PHF19: variants seen among roughly 807,000 people sequenced by gnomAD.
PHF19 encodes PHD finger protein 19.
PHF19 carries 21 observed loss-of-function variants against 79.8 expected under a neutral mutation model. The observed-to-expected ratio is 0.26, with a 90% confidence interval of 0.19 to 0.38. The LOEUF (loss-of-function observed/expected upper bound fraction) is 0.38. PHF19 is among the 10% of genes least tolerant of loss of function. The pLI, the probability that PHF19 is intolerant of heterozygous loss-of-function variation, is 1.00. For synonymous variants in PHF19, 273 were observed against 296.3 expected, an observed-to-expected ratio of 0.92 and a Z score of 0.81; for missense variants, 445 against 744.2, an observed-to-expected ratio of 0.60 and a Z score of 4.68.
At chr9:120,898,880 C>T (rs1200709114), upstream of PHF19, among the ~76,000 whole-genome samples, 2 of 152,164 alleles carry the variant, frequency 1.3e-5, no homozygotes, top group Admixed American at 6.5e-5. Context: ...CTGGCACTAG[C>T]TAAGCACTCC....
At chr9:120,873,938 T>TGG in intron 3 of PHF19, 41 bp downstream of exon 3, 1 of 969,418 alleles carries the variant, frequency 1.0e-6, no homozygotes, top group Non-Finnish European at 1.7e-6. Flanking sequence ...AGAGAAGACC[T>TGG]GGGGAGGTTG....
Position 120,860,078 on chromosome 9 carries a change from T to C in PHF19, c.1400+12A>G. ...TTGCAAAATGTGAAGGCCAGACCTC[T>C]AGGAAGCTCACCTGGAGTCATAGGA... On this transcript the variant is annotated intron_variant, in intron 14 of 14. Transcript: ENST00000373896. The surrounding 1 kb of genome is among the most constrained non-coding windows in gnomAD (Gnocchi z 4.1). The C allele has an allele frequency of 4.7e-6, 7 of 1,480,060 alleles. No individual in the cohort carries two copies. The highest frequency in any genetic ancestry group is 5.6e-6 in the Non-Finnish European group (6 of 1,070,818). The allele number at this position is 1,480,060 out of a possible 1,614,324, so 91.7% of individuals were successfully genotyped here.
chr9:120,885,316 A>C (rs1384610497), intron 1 of PHF19, among the ~76,000 whole-genome samples: 1 of 152,030 alleles, frequency 6.6e-6, no homozygotes, highest in Non-Finnish European at 1.5e-5. Flanking sequence ...GCAGTGGTTC[A>C]CGCCTGTAAT....
upstream of PHF19, among the ~76,000 whole-genome samples, chr9:120,879,305 C>T (rs10818479): frequency 0.17 from 26,010 of 152,216 alleles, 3,710 homozygotes; most frequent in African/African-American, 0.39. Context: ...GGATGGGAGA[C>T]ACACAGGTGG....
chr9:120,888,515 C>T (rs1458006053), intron 1 of PHF19, among the ~76,000 whole-genome samples: 1 of 152,154 alleles, frequency 6.6e-6, no homozygotes, highest in Non-Finnish European at 1.5e-5. Context: ...TTTCATGGCA[C>T]CCAAAAATGG....
Position 120,882,822 on chromosome 9 carries a change from A to G in PHF19, c.43-8066T>C, listed in dbSNP as rs528028473. 2.6e-4 allele frequency among the ~76,000 whole-genome samples: 39 copies of G among 147,952 alleles called. No individual in the cohort carries two copies. The South Asian group carries it at 3.6e-3, about 14-fold the overall frequency. ...GTGCCATTGCACTCCAGCCTGGGTGACAAGAGCAAAACTCCATCTCAAAAA... is the reference window on the plus strand; with the variant it reads ...GTGCCATTGCACTCCAGCCTGGGTGGCAAGAGCAAAACTCCATCTCAAAAA... On this transcript the variant is annotated intron_variant, in intron 1 of 14. Coordinates refer to the PHF19 transcript ENST00000616568.
intron 3 of PHF19, among the ~76,000 whole-genome samples, chr9:120,871,325 A>G (rs1298751788): frequency 2.0e-5 from 3 of 152,146 alleles, no homozygotes; most frequent in South Asian, 2.1e-4. Flanking sequence ...CAGATACCCA[A>G]TAGTTTTTCC....
chr9:120,903,039 A>G, the PHF19 span: 1 of 152,204 alleles, frequency 6.6e-6, no homozygotes, highest in Admixed American at 6.5e-5. Context: ...CTTGGGCTCA[A>G]CACTCGGTGA....
chr9:120,869,487 C>T lies in PHF19; in HGVS notation c.466-157G>A. ...GCAAGGAGCTTTTTCTCATTAATTC[C>T]AAACCCATCCCCTCTATCCCAGAAG... On this transcript the variant is annotated intron_variant, in intron 5 of 14. Coordinates refer to ENST00000373896, the MANE Select transcript of PHF19 (RefSeq NM_015651.3). The surrounding 1 kb of genome is among the most constrained non-coding windows in gnomAD (Gnocchi z 5.8). 3.7e-6 allele frequency: 5 copies of T among 1,343,726 alleles called. No homozygotes were observed. The highest frequency in any genetic ancestry group is 2.8e-5 in the Admixed American group (1 of 36,126). The allele number at this position is 1,343,726 out of a possible 1,614,324, so 83.2% of individuals were successfully genotyped here.
At position 120,862,581 on chromosome 9, in the gene PHF19, C is replaced by T. The variant is rs1249386779; in HGVS notation, c.1130+7G>A. ...CAGCCCTGGCCCCTGGGTCCCCGAG[C>T]ACTGACCCAGGCTTGCTCTTTCCTC... On this transcript the variant is annotated splice_region_variant and intron_variant, in intron 11 of 14. Transcript: ENST00000373896. This position sits in a 1 kb window ranked among gnomAD's most constrained non-coding sequence, Gnocchi z 4.6. 6.8e-6 allele frequency: 11 copies of T among 1,612,024 alleles called. No individual in the cohort carries two copies. The highest frequency in any genetic ancestry group is 9.3e-6 in the Non-Finnish European group (11 of 1,179,178).
At position 120,858,089 on chromosome 9, in the gene PHF19, G is replaced by A. The variant is rs759035695; in HGVS notation, c.1598C>T (p.Ser533Phe). ...GTTGGTGATAGATGACTTGAGGTGG[G>A]ACAGGGATGAGTCATCTTCACTGAT... ...ESISEDDSSL[S>F]HLKSSITNYF... The change falls in exon 15 of 15, where the codon TCC becomes TTC. Residue 533 changes from serine to phenylalanine, a missense_variant. This residue lies in a region of PHF19 where 125 missense variants were observed against 180.5 expected (regional missense o/e 0.69). Transcript: ENST00000373896. 1 of 1,614,158 alleles carries A rather than the reference G, an allele frequency of 6.2e-7. No homozygotes were observed. The highest frequency in any genetic ancestry group is 2.2e-5 in the East Asian group (1 of 44,886).
intron 1 of PHF19, among the ~76,000 whole-genome samples, chr9:120,876,826 A>AC (rs1285348613): frequency 1.3e-5 from 2 of 151,450 alleles, no homozygotes; most frequent in African/African-American, 4.9e-5. Flanking sequence ...TCCTTCCCCC[A>AC]CCCCGATAGG....
chr9:120,901,175 T>C, the PHF19 span, among the ~76,000 whole-genome samples: 2 of 149,670 alleles, frequency 1.3e-5, no homozygotes, highest in African/African-American at 2.4e-5. Flanking sequence ...GGAAAGAAAC[T>C]GGAAGCAAAT....
At chr9:120,868,926 G>T in intron 6 of PHF19, 1 of 667,250 alleles carries the variant, frequency 1.5e-6, no homozygotes, top group Non-Finnish European at 1.8e-6. Context: ...CCAATCTTCC[G>T]GGCCCACCCC....
chr9:120,897,978 CAAAAAAAAA>C (rs577932181), upstream of PHF19, among the ~76,000 whole-genome samples: 368 of 99,686 alleles, frequency 3.7e-3, no homozygotes, highest in African/African-American at 0.014. Flanking sequence ...GACCCCGTCT[CAAAAAAAAA>C]AAAAAAAAAA....
At chr9:120,902,003 G>A in the PHF19 span, among the ~76,000 whole-genome samples, 3 of 152,300 alleles carry the variant, frequency 2.0e-5, no homozygotes, top group East Asian at 3.9e-4. Context: ...GGCTGTCATC[G>A]ATGTCCTGAG....
At chr9:120,863,571 G>A (rs2045601057) in intron 10 of PHF19, among the ~76,000 whole-genome samples, 1 of 152,200 alleles carries the variant, frequency 6.6e-6, no homozygotes, top group African/African-American at 2.4e-5. Flanking sequence ...AGCGGCAGAG[G>A]ACGCGGGCAC....
intron 6 of PHF19, chr9:120,868,892 C>A (rs2045793858): frequency 1.9e-6 from 2 of 1,049,946 alleles, no homozygotes; most frequent in South Asian, 3.4e-5. Flanking sequence ...TCCGGGCCCG[C>A]CCCCCGAGGC....
At chr9:120,881,416 G>A (rs925992649), upstream of PHF19, among the ~76,000 whole-genome samples, 6 of 151,988 alleles carry the variant, frequency 3.9e-5, no homozygotes, top group African/African-American at 1.5e-4. Flanking sequence ...CAAAGTGCTG[G>A]GATTACAGGC....
Sources: gnomAD v4.1 joint callset for allele counts (sites outside exome capture counted in the v4.1 genomes callset) on GRCh38, gnomAD v4.1.1 for gene constraint, gnomAD v4.1.1 regional missense constraint, Gnocchi (gnomAD v3.1) non-coding constraint, MANE v1.5 for transcripts, NCBI Gene and HGNC (gene_info 2026-07-23, HGNC 2026-07-21) for gene names.